Variants in SPATA6L observed in about 807,000 individuals in gnomAD.
SPATA6L encodes the protein spermatogenesis associated 6-like protein.
A neutral mutation model predicts 49.2 loss-of-function variants in SPATA6L; 68 were observed. The ratio of observed to expected loss-of-function variants is 1.38; its 90% CI spans 1.14 to 1.69. The LOEUF is 1.69. Among genes scored for constraint, SPATA6L ranks in the 40% most tolerant of loss-of-function variants. SPATA6L has a pLI of 0.00. For missense variants in SPATA6L, 668 were observed against 464.3 expected, an observed-to-expected ratio of 1.44 and a Z score of -4.03; for synonymous variants, 198 against 165.7, an observed-to-expected ratio of 1.19 and a Z score of -1.50.
chr9:4,660,004 C>CCTTA (rs1839232907), intron 2 of SPATA6L, among the ~76,000 whole-genome samples: 1 of 152,216 alleles, frequency 6.6e-6, no homozygotes, highest in Admixed American at 6.5e-5. Flanking sequence ...TGGATCCTTT[C>CCTTA]CTTACACCTT....
chr9:4,595,410 G>A (rs1003472251), downstream of SPATA6L, among the ~76,000 whole-genome samples: 2 of 151,996 alleles, frequency 1.3e-5, no homozygotes, highest in Admixed American at 6.6e-5. Flanking sequence ...TCTCCCCACC[G>A]CCAGCCTCTA....
chr9:4,640,035 A>C (rs994937656), intron 3 of SPATA6L, among the ~76,000 whole-genome samples: 9 of 152,270 alleles, frequency 5.9e-5, no homozygotes, highest in African/African-American at 2.2e-4. Context: ...TTGCTATGAA[A>C]GTATAAAATA....
downstream of SPATA6L, among the ~76,000 whole-genome samples, chr9:4,598,022 C>T (rs1444910466): frequency 2.6e-5 from 4 of 152,216 alleles, no homozygotes; most frequent in African/African-American, 4.8e-5. Flanking sequence ...AACCCGCCAC[C>T]TCTTTTATGT....
intron 6 of SPATA6L, 65 bp downstream of exon 6, chr9:4,625,262 T>G: frequency 6.6e-7 from 1 of 1,521,958 alleles, no homozygotes; most frequent in South Asian, 1.3e-5. Context: ...TCAACCTTCC[T>G]TTCTTCCACC....
Position 4,661,883 on chromosome 9 carries a change from A to T in SPATA6L, c.177+16T>A, listed in dbSNP as rs1839863570. On this transcript the variant is annotated intron_variant, in intron 2 of 11. Coordinates refer to ENST00000682582, the MANE Select transcript of SPATA6L (RefSeq NM_001353486.2). ...TATCTTCAGACAACAAAAGCCAATGAGAAAGTCAAGATCACCTTTTCAAAT... is the reference window on the plus strand; with the variant it reads ...TATCTTCAGACAACAAAAGCCAATGTGAAAGTCAAGATCACCTTTTCAAAT... 6.2e-7 allele frequency: 1 copy of T among 1,612,704 alleles called. No individual in the cohort carries two copies. The highest frequency in any genetic ancestry group is 1.3e-5 in the African/African-American group (1 of 74,846).
At chr9:4,657,463 T>C (rs1587505363) in intron 2 of SPATA6L, among the ~76,000 whole-genome samples, 1 of 151,882 alleles carries the variant, frequency 6.6e-6, no homozygotes, top group South Asian at 2.1e-4. Flanking sequence ...AATAAGATCA[T>C]ACTGGGATAG....
At position 4,618,119 on chromosome 9, in the gene SPATA6L, C is replaced by A. The variant is rs756312150; in HGVS notation, c.808-9G>T. 57 of 1,589,166 alleles carry A rather than the reference C, an allele frequency of 3.6e-5. No homozygotes were observed. The African/African-American group carries it at 6.9e-4, about 19-fold the overall frequency. On this transcript the variant is annotated splice_polypyrimidine_tract_variant and intron_variant, in intron 8 of 11. Transcript: ENST00000682582. ...TCTGGCTCTTTGATAACCTGAGTGA[C>A]AATATGCATTATTTAGTTGTAATTT...
At chr9:4,595,370 T>A (rs1234858374), downstream of SPATA6L, among the ~76,000 whole-genome samples, 1 of 152,148 alleles carries the variant, frequency 6.6e-6, no homozygotes, top group South Asian at 2.1e-4. Context: ...TTGCCCTAAT[T>A]TTCAGACTTC....
At chr9:4,611,982 C>A (rs183323148) in intron 9 of SPATA6L, among the ~76,000 whole-genome samples, 154 of 152,000 alleles carry the variant, frequency 1.0e-3, no homozygotes, top group Non-Finnish European at 1.6e-3. Context: ...TAGAGAGGAC[C>A]AACTAGGTAC....
chr9:4,618,346 C>A (rs557662674), intron 8 of SPATA6L, among the ~76,000 whole-genome samples: 4 of 152,128 alleles, frequency 2.6e-5, no homozygotes, highest in South Asian at 2.1e-4. Context: ...TATTAAAAAA[C>A]CAAAATAAAC....
At chr9:4,614,923 C>G (rs1057504238) in intron 9 of SPATA6L, among the ~76,000 whole-genome samples, 2 of 152,198 alleles carry the variant, frequency 1.3e-5, no homozygotes, top group African/African-American at 4.8e-5. Context: ...CTTGTGCCAA[C>G]TCCTGTGACT....
intron 3 of SPATA6L, among the ~76,000 whole-genome samples, chr9:4,639,162 C>T (rs968890598): frequency 2.0e-5 from 3 of 152,176 alleles, no homozygotes; most frequent in Non-Finnish European, 4.4e-5. Flanking sequence ...ACCATTACCA[C>T]GATTGCTCCC....
At chr9:4,656,440 G>C (rs956587311) in intron 2 of SPATA6L, among the ~76,000 whole-genome samples, 2 of 115,908 alleles carry the variant, frequency 1.7e-5, no homozygotes, top group African/African-American at 7.1e-5. Context: ...CCCTGTGAAA[G>C]AAAGGAAGGA....
At position 4,606,228 on chromosome 9, in the gene SPATA6L, G is replaced by A. The variant is rs1416038486; in HGVS notation, c.996-788C>T. Among the ~76,000 whole-genome samples the A allele has an allele frequency of 5.5e-4, 81 of 146,572 alleles. 1 individual carries two copies. The highest frequency in any genetic ancestry group is 1.9e-3 in the African/African-American group (73 of 38,740). ...GCGGCAGCGAGGCTGGGGGAGGGGC[G>A]CCCGCCATTGCCCAGGCTTGCTGAG... is the stretch of plus-strand genomic sequence containing the variant. On this transcript the variant is annotated intron_variant, in intron 9 of 11. Transcript: ENST00000682582.
intron 2 of SPATA6L, among the ~76,000 whole-genome samples, chr9:4,659,918 A>G (rs905628827): frequency 6.6e-6 from 1 of 152,254 alleles, no homozygotes; most frequent in Non-Finnish European, 1.5e-5. Flanking sequence ...TGACAAAAAC[A>G]AGAAATGGGG....
At chr9:4,606,367 A>G (rs909734471) in intron 9 of SPATA6L, among the ~76,000 whole-genome samples, 1 of 133,462 alleles carries the variant, frequency 7.5e-6, no homozygotes, top group Non-Finnish European at 1.6e-5. Context: ...ACAAAAAGAC[A>G]GCAGTAACCT....
At chr9:4,635,248 A>C (rs1349037804) in intron 4 of SPATA6L, 27 bp downstream of exon 4, 1 of 1,490,708 alleles carries the variant, frequency 6.7e-7, no homozygotes, top group Non-Finnish European at 8.8e-7. Context: ...CTCCTAATAG[A>C]AGCCCAGATG....
At chr9:4,652,119 G>A (rs1170539276) in intron 3 of SPATA6L, among the ~76,000 whole-genome samples, 2 of 152,154 alleles carry the variant, frequency 1.3e-5, no homozygotes, top group Non-Finnish European at 2.9e-5. Flanking sequence ...TAAAATATCA[G>A]TATATAAAAA....
intron 2 of SPATA6L, among the ~76,000 whole-genome samples, chr9:4,656,458 A>G (rs1421431015): frequency 3.5e-5 from 5 of 143,374 alleles, no homozygotes; most frequent in Admixed American, 6.9e-5. Flanking sequence ...GGAAGGAAGG[A>G]AGGAAGGAAG....
Sources: allele counts gnomAD v4.1 joint callset (sites outside exome capture counted in the v4.1 genomes callset), GRCh38; gene constraint gnomAD v4.1.1; transcripts MANE v1.5; gene names NCBI Gene and HGNC (gene_info 2026-07-23, HGNC 2026-07-21).